TBKBP1: variants seen among roughly 807,000 people sequenced by gnomAD.
TBKBP1 encodes the protein TANK-binding kinase 1-binding protein 1.
TBKBP1 carries 47 observed loss-of-function variants against 69.9 expected under a neutral mutation model. That is an observed-to-expected ratio of 0.67 (90% CI 0.53 to 0.86). The LOEUF (loss-of-function observed/expected upper bound fraction) is 0.86, where lower values mean the gene tolerates loss of function less well. Among genes scored for constraint, TBKBP1 ranks in the 40% least tolerant of loss-of-function variants. The pLI, the probability that TBKBP1 is intolerant of heterozygous loss-of-function variation, is 0.00. For missense variants in TBKBP1, 831 were observed against 858.6 expected (o/e 0.97, Z 0.40); for synonymous variants, 418 against 390.3 (o/e 1.07, Z -0.84).
chr17:47,708,806 C>G lies in TBKBP1; in HGVS notation c.1073C>G (p.Pro358Arg). 9.4e-7 allele frequency: 1 copy of G among 1,058,618 alleles called. No individual in the cohort carries two copies. The highest frequency in any genetic ancestry group is 1.3e-6 in the Non-Finnish European group (1 of 758,550). 65.6% of individuals were successfully genotyped at this position (1,058,618 alleles called of 1,614,324 possible). The change falls in exon 9 of 10, where the codon CCC becomes CGC. Residue 358 changes from proline (P) to arginine (R), a missense_variant. By Grantham distance (103) the Pro-to-Arg change is moderately radical. Coordinates refer to ENST00000578982, the MANE Select transcript of TBKBP1 (RefSeq NM_001394755.1). This position sits in a 1 kb window ranked among gnomAD's most constrained non-coding sequence, Gnocchi z 4.4. ...CCCTCCCCGCCTGCCCGAGCGGCTC[C>G]CCCGTGCCCCCCGTGCCAGTCCCCC... ...PSPSPPARAA[P>R]PCPPCQSPVP... is the part of the protein sequence containing the mutation.
chr17:47,709,544 T>C, intron 9 of TBKBP1, 92 bp downstream of exon 9: 1 of 1,391,656 alleles, frequency 7.2e-7, no homozygotes, highest in Non-Finnish European at 9.3e-7. Flanking sequence ...CTTGCCCCTT[T>C]CGGGTGTCAG....
chr17:47,709,374 G>T lies in TBKBP1; in HGVS notation c.1641G>T (p.Ala547=). The T allele has an allele frequency of 6.5e-7, 1 of 1,529,344 alleles. No individual in the cohort carries two copies. Among genetic ancestry groups the T allele is most frequent in the Non-Finnish European group, 8.7e-7 (1 of 1,145,072 alleles). The allele number at this position is 1,529,344 out of a possible 1,614,324, so 94.7% of individuals were successfully genotyped here. The change falls in exon 9 of 10, where the codon GCG becomes GCT. Residue 547 remains alanine, a synonymous_variant. Coordinates refer to ENST00000578982, the MANE Select transcript of TBKBP1 (RefSeq NM_001394755.1). ...VGTIRCASFC[A]GFPIPESPAA... ...CCATCCGCTGCGCCTCCTTCTGCGC[G>T]GGCTTCCCCATCCCCGAGTCGCCCG...
At chr17:47,704,693 C>G (rs573471840) in intron 7 of TBKBP1, among the ~76,000 whole-genome samples, 3 of 152,348 alleles carry the variant, frequency 2.0e-5, no homozygotes, top group African/African-American at 7.2e-5. Flanking sequence ...CTGATCCTGA[C>G]CTTCAGCTCT....
intron 7 of TBKBP1, among the ~76,000 whole-genome samples, chr17:47,700,264 T>C (rs11868838): frequency 0.62 from 85,276 of 137,972 alleles, 27,327 homozygotes; most frequent in African/African-American, 0.76. Flanking sequence ...GCTGGGATTA[T>C]AGGAGTGAGC....
chr17:47,707,325 A>AC (rs1195611702), intron 7 of TBKBP1, among the ~76,000 whole-genome samples: 1 of 152,156 alleles, frequency 6.6e-6, no homozygotes, highest in Non-Finnish European at 1.5e-5. Context: ...GTTGCAAGTG[A>AC]CCTAGAGATA....
chr17:47,706,828 G>GACACACAC (rs55849029), intron 7 of TBKBP1, among the ~76,000 whole-genome samples: 3,081 of 134,156 alleles, frequency 0.023, 73 homozygotes, highest in Middle Eastern at 0.05. Flanking sequence ...GTTAGACTTA[G>GACACACAC]ACACACACAC....
rs1001952232 is a variant in TBKBP1, at chr17:47,710,717, C to A, written c.*91C>A. The A allele has an allele frequency of 1.3e-6, 2 of 1,509,722 alleles. No individual in the cohort carries two copies. The highest frequency in any genetic ancestry group is 1.8e-6 in the Non-Finnish European group (2 of 1,118,160). The allele number at this position is 1,509,722 out of a possible 1,614,324, so 93.5% of individuals were successfully genotyped here. ...ATGCTGCATGAATCTCGTGGGGGGT[C>A]CCTGCCCTTGCGACCCCCAGATACC... On this transcript the variant is annotated 3_prime_UTR_variant, in exon 10 of 10. Coordinates refer to ENST00000578982, the MANE Select transcript of TBKBP1 (RefSeq NM_001394755.1).
chr17:47,695,723 G>T, intron 1 of TBKBP1: 1 of 185,162 alleles, frequency 5.4e-6, no homozygotes, highest in Non-Finnish European at 1.1e-5. Flanking sequence ...GCCTGGGGTG[G>T]AGAAGCGCGG....
chr17:47,709,665 C>T (rs2031855554), intron 9 of TBKBP1, among the ~76,000 whole-genome samples: 1 of 152,380 alleles, frequency 6.6e-6, no homozygotes, highest in East Asian at 1.9e-4. Flanking sequence ...ATTAAGATTT[C>T]GTTCATTTCC....
chr17:47,709,420 G>T lies in TBKBP1; in HGVS notation c.1687G>T (p.Ala563Ser). The change falls in exon 9 of 10, where the codon GCC (alanine) becomes TCC (serine). Residue 563 changes from alanine to serine, a missense_variant. Ala to Ser is a moderately conservative substitution (Grantham distance 99). Coordinates refer to ENST00000578982, the MANE Select transcript of TBKBP1 (RefSeq NM_001394755.1). Reference protein sequence around the residue: ...ESPAATAYAHAEHAQSWPSIN... With the variant: ...ESPAATAYAHSEHAQSWPSIN... ...GCCCGCCGCCACCGCCTACGCCCAC[G>T]CCGAGCACGCGCAGTCCTGGCCGTC... is the stretch of plus-strand genomic sequence containing the variant. 6 of 1,541,880 alleles carry T rather than the reference G, an allele frequency of 3.9e-6. No individual in the cohort carries two copies. Among genetic ancestry groups the T allele is most frequent in the Non-Finnish European group, 5.2e-6 (6 of 1,152,490 alleles).
chr17:47,702,163 AG>A, intron 7 of TBKBP1, among the ~76,000 whole-genome samples: 1 of 152,270 alleles, frequency 6.6e-6, no homozygotes, highest in East Asian at 1.9e-4. Context: ...CTTCCACCCA[AG>A]GAAGCCTCAG....
At chr17:47,705,327 T>C (rs1038961132) in intron 7 of TBKBP1, among the ~76,000 whole-genome samples, 3 of 152,206 alleles carry the variant, frequency 2.0e-5, no homozygotes, top group African/African-American at 7.2e-5. Context: ...TAAGCCTCAG[T>C]TTTCTCATCT....
Position 47,698,904 on chromosome 17 carries a change from C to T in TBKBP1, c.634+129C>T, listed in dbSNP as rs7208944. On this transcript the variant is annotated intron_variant, in intron 5 of 9. Coordinates refer to ENST00000578982, the MANE Select transcript of TBKBP1 (RefSeq NM_001394755.1). ...TTTCTCCATAATCATCCCATCCTCC[C>T]TTACCTGCTGTCCCCTCACCTCACC... The T allele has an allele frequency of 9.0e-4, 854 of 953,586 alleles. 5 individuals carry two copies. The African/African-American group carries it at 0.013, about 14-fold the overall frequency. The allele number at this position is 953,586 out of a possible 1,614,324, so 59.1% of individuals were successfully genotyped here. A position where few individuals can be genotyped will look rare whatever the true frequency, so the allele number is the denominator to read the frequency against.
rs141149208 is a variant in TBKBP1 at position 47,707,013 on chromosome 17, C to T, written c.873-1381C>T. 5.5e-3 allele frequency among the ~76,000 whole-genome samples: 845 copies of T among 152,354 alleles called. 6 individuals carry two copies. Among genetic ancestry groups the T allele is most frequent in the Non-Finnish European group, 7.6e-3 (514 of 68,032 alleles). On this transcript the variant is annotated intron_variant, in intron 7 of 9. Transcript: ENST00000578982. ...GCTTAAGAACTTGAGCCCCCTTGTCCTGGGACAAGACCTCCCCTGGGAAGA... is the reference window on the plus strand; with the variant it reads ...GCTTAAGAACTTGAGCCCCCTTGTCTTGGGACAAGACCTCCCCTGGGAAGA...
chr17:47,698,795 G>T lies in TBKBP1; in HGVS notation c.634+20G>T. The T allele has an allele frequency of 6.6e-7, 1 of 1,522,082 alleles. No homozygotes were observed. Among genetic ancestry groups the T allele is most frequent in the Non-Finnish European group, 8.8e-7 (1 of 1,131,878 alleles). 94.3% of individuals were successfully genotyped at this position (1,522,082 alleles called of 1,614,324 possible). A position where few individuals can be genotyped will look rare whatever the true frequency, so the allele number is the denominator to read the frequency against. On this transcript the variant is annotated intron_variant, in intron 5 of 9. Transcript: ENST00000578982. ...GTCATGGTGAGATCTCAGTGACCCCGACTTACCTCCTAGTCCCCAACCCCC... is the reference window on the plus strand; with the variant it reads ...GTCATGGTGAGATCTCAGTGACCCCTACTTACCTCCTAGTCCCCAACCCCC...
rs1045388470 is a variant in TBKBP1, at chr17:47,710,708, G to A, written c.*82G>A. 57 of 1,528,770 alleles carry A rather than the reference G, an allele frequency of 3.7e-5. No individual in the cohort carries two copies. Among genetic ancestry groups the A allele is most frequent in the Non-Finnish European group, 2.9e-5 (33 of 1,128,510 alleles). The allele number at this position is 1,528,770 out of a possible 1,614,324, so 94.7% of individuals were successfully genotyped here. The stretch of plus-strand genomic sequence containing the variant: ...TCACTTTGAATGCTGCATGAATCTC[G>A]TGGGGGGTCCCTGCCCTTGCGACCC... On this transcript the variant is annotated 3_prime_UTR_variant, in exon 10 of 10. Coordinates refer to ENST00000578982, the MANE Select transcript of TBKBP1 (RefSeq NM_001394755.1).
intron 7 of TBKBP1, among the ~76,000 whole-genome samples, chr17:47,701,060 G>A (rs79426784): frequency 0.013 from 2,014 of 152,266 alleles, 39 homozygotes; most frequent in African/African-American, 0.047. Flanking sequence ...ACCCTCCACC[G>A]CATAGCATAC....
chr17:47,708,475 C>T lies in TBKBP1; in HGVS notation c.954C>T (p.Ile318=), dbSNP rs1352777049. ...AGTTGAGTTCCCTACAGGGGAGAATCTTGAGGACTCTGTTGCAGGAACAGG... is the reference window on the plus strand; with the variant it reads ...AGTTGAGTTCCCTACAGGGGAGAATTTTGAGGACTCTGTTGCAGGAACAGG... ...LRELSSLQGR[I]LRTLLQEQAR... The change falls in exon 8 of 10, where the codon ATC becomes ATT. Residue 318 remains isoleucine (I), a synonymous_variant. Transcript: ENST00000578982. This position sits in a 1 kb window ranked among gnomAD's most constrained non-coding sequence, Gnocchi z 4.4. The T allele has an allele frequency of 3.7e-6, 6 of 1,613,776 alleles. No homozygotes were observed. Among genetic ancestry groups the T allele is most frequent in the Admixed American group, 1.7e-5 (1 of 59,992 alleles).
intron 7 of TBKBP1, among the ~76,000 whole-genome samples, chr17:47,706,723 G>C (rs117010008): frequency 1.3e-5 from 2 of 152,024 alleles, no homozygotes; most frequent in East Asian, 1.9e-4. Context: ...GCCAGTGAGC[G>C]ACAGCAGGGA....
Sources: allele counts gnomAD v4.1 joint callset (sites outside exome capture counted in the v4.1 genomes callset), GRCh38; gene constraint gnomAD v4.1.1; non-coding constraint Gnocchi (gnomAD v3.1); transcripts MANE v1.5; gene names NCBI Gene and HGNC (gene_info 2026-07-23, HGNC 2026-07-21).